Variants in MPRIP observed in about 807,000 individuals in gnomAD.
The protein encoded by MPRIP is myosin phosphatase Rho interacting protein.
In MPRIP, 59 loss-of-function variants were observed where a neutral mutation model predicts 234.9. That is an observed-to-expected ratio of 0.25 (90% CI 0.20 to 0.31). The LOEUF is 0.31. Among genes scored for constraint, MPRIP ranks in the 10% least tolerant of loss-of-function variants. The probability of loss-of-function intolerance (pLI) is 1.00; values close to 1 mark genes in which losing one functional copy is unlikely to be tolerated. For synonymous variants in MPRIP, 1,144 were observed against 1,263.9 expected (o/e 0.91, Z 2.01); for missense variants, 2,436 against 3,071.0 (o/e 0.79, Z 4.89).
intron 3 of MPRIP, among the ~76,000 whole-genome samples, chr17:17,107,153 G>T (rs941557181): frequency 6.6e-6 from 1 of 152,214 alleles, no homozygotes; most frequent in East Asian, 1.9e-4. Flanking sequence ...GGATTTAATG[G>T]GCTCTAGCCC....
At chr17:17,177,527 C>A in intron 22 of MPRIP, 115 bp downstream of exon 22, 1 of 1,120,432 alleles carries the variant, frequency 8.9e-7, no homozygotes, top group Non-Finnish European at 1.3e-6. Flanking sequence ...TGCTTGTAGA[C>A]CCAGGCATCC....
chr17:17,108,482 A>C (rs1203112093), intron 3 of MPRIP, among the ~76,000 whole-genome samples: 1 of 152,248 alleles, frequency 6.6e-6, no homozygotes, highest in African/African-American at 2.4e-5. Context: ...CCTCAGCCCT[A>C]CATCTGAGAA....
At chr17:17,072,069 C>CT (rs1223585999) in intron 1 of MPRIP, among the ~76,000 whole-genome samples, 2 of 152,198 alleles carry the variant, frequency 1.3e-5, no homozygotes, top group Non-Finnish European at 2.9e-5. Context: ...GAAGAGAATA[C>CT]TTTAGGGCCT....
intron 3 of MPRIP, among the ~76,000 whole-genome samples, chr17:17,113,012 C>G (rs2090204396): frequency 6.6e-6 from 1 of 152,226 alleles, no homozygotes; most frequent in Admixed American, 6.5e-5. Context: ...CTTGGGGTCT[C>G]ACTAGCTCCC....
In MPRIP at chr17:17,129,203, T is replaced by G. The variant is rs550651327; in HGVS notation, c.419+2350T>G. ...CTCTTTTAGACGAGGTGGGTTTGGG[T>G]AGGAGTTGGCAAGGGAGCTCTTCTG... On this transcript the variant is annotated intron_variant, in intron 4 of 23. Coordinates refer to ENST00000651222, the MANE Select transcript of MPRIP (RefSeq NM_001364716.4). 5.3e-5 allele frequency among the ~76,000 whole-genome samples: 8 copies of G among 152,204 alleles called. No homozygotes were observed. The East Asian group carries it at 1.2e-3, about 22-fold the overall frequency.
chr17:17,077,883 C>A, intron 2 of MPRIP, 128 bp from the exon 3 acceptor site: 1 of 876,680 alleles, frequency 1.1e-6, no homozygotes, highest in South Asian at 1.4e-5. Flanking sequence ...CTGCCACCTG[C>A]CCCAGAAGTG....
At chr17:17,043,464 A>G (rs1406354589) in intron 1 of MPRIP, among the ~76,000 whole-genome samples, 1 of 152,016 alleles carries the variant, frequency 6.6e-6, no homozygotes, top group Non-Finnish European at 1.5e-5. Flanking sequence ...TCTGGCGAGG[A>G]GGGTCTTGTT....
chr17:17,104,454 G>A (rs1244136854), intron 3 of MPRIP, among the ~76,000 whole-genome samples: 1 of 152,174 alleles, frequency 6.6e-6, no homozygotes, highest in Non-Finnish European at 1.5e-5. Flanking sequence ...GTGGCATGAA[G>A]GGTGGGCAAG....
chr17:17,093,738 G>C (rs901581727), intron 3 of MPRIP, among the ~76,000 whole-genome samples: 3 of 152,202 alleles, frequency 2.0e-5, no homozygotes, highest in African/African-American at 7.2e-5. Context: ...CCTGAGTCCT[G>C]TTCCCAGAGG....
chr17:17,146,952 C>G (rs1360394104), intron 10 of MPRIP, among the ~76,000 whole-genome samples: 1 of 152,252 alleles, frequency 6.6e-6, no homozygotes. Flanking sequence ...TGCCATTTCA[C>G]AGCCACCTTT....
At chr17:17,124,796 G>A (rs56811379) in intron 3 of MPRIP, among the ~76,000 whole-genome samples, 12,984 of 152,162 alleles carry the variant, frequency 0.085, 1,778 homozygotes, top group African/African-American at 0.29. Context: ...CCCTTCATTT[G>A]CCCAGAGGGT....
chr17:17,091,831 A>G (rs2089725448), intron 3 of MPRIP, among the ~76,000 whole-genome samples: 1 of 152,226 alleles, frequency 6.6e-6, no homozygotes. Context: ...TGGGGCCTCC[A>G]TTCCGAGATG....
intron 4 of MPRIP, among the ~76,000 whole-genome samples, chr17:17,130,796 A>G (rs1342546814): frequency 1.3e-5 from 2 of 152,058 alleles, no homozygotes; most frequent in African/African-American, 4.8e-5. Context: ...TAGCCCCCAC[A>G]GGACTGACAG....
chr17:17,076,021 GT>G, intron 2 of MPRIP: 1 of 480,276 alleles, frequency 2.1e-6, no homozygotes, highest in Non-Finnish European at 3.7e-6. Context: ...GGTGTTGCCT[GT>G]TTTGTGGGTC....
At chr17:17,079,565 C>T (rs987779896) in intron 3 of MPRIP, among the ~76,000 whole-genome samples, 1 of 152,214 alleles carries the variant, frequency 6.6e-6, no homozygotes, top group Admixed American at 6.5e-5. Flanking sequence ...TTTATCTTGC[C>T]TCCCTGTGGC....
At chr17:17,062,268 CAG>C (rs1373111221) in intron 1 of MPRIP, among the ~76,000 whole-genome samples, 1 of 152,160 alleles carries the variant, frequency 6.6e-6, no homozygotes, top group Non-Finnish European at 1.5e-5. Flanking sequence ...AGGGTTATAT[CAG>C]AAGTCCTGCG....
chr17:17,145,154 G>A (rs910382248), intron 9 of MPRIP, among the ~76,000 whole-genome samples: 6 of 152,202 alleles, frequency 3.9e-5, no homozygotes, highest in Admixed American at 2.0e-4. Flanking sequence ...AGGCAGCAGC[G>A]GACTGTGGTT....
At chr17:17,067,103 G>A (rs1168357690) in intron 1 of MPRIP, among the ~76,000 whole-genome samples, 1 of 152,036 alleles carries the variant, frequency 6.6e-6, no homozygotes, top group Non-Finnish European at 1.5e-5. Flanking sequence ...ACGCACAAGG[G>A]CTGTAACATT....
At position 17,131,648 on chromosome 17, in the gene MPRIP, A is replaced by G. The variant is rs1339312881; in HGVS notation, c.451A>G (p.Thr151Ala). 8 of 1,614,138 alleles carry G rather than the reference A, an allele frequency of 5.0e-6. No individual in the cohort carries two copies. Among genetic ancestry groups the G allele is most frequent in the Non-Finnish European group, 6.8e-6 (8 of 1,180,002 alleles). ...GGAGATGCTCATGGTCTATCCCCGG[A>G]CCAACAAGCAGAATCAGAAGAAGAA... is the stretch of plus-strand genomic sequence containing the variant. Reference protein sequence around the residue: ...WLEMLMVYPRTNKQNQKKKRK... With the variant: ...WLEMLMVYPRANKQNQKKKRK... The change falls in exon 5 of 24, where the codon ACC becomes GCC. Residue 151 changes from threonine to alanine, a missense_variant. Transcript: ENST00000651222.
Sources: gnomAD v4.1 joint callset for allele counts (sites outside exome capture counted in the v4.1 genomes callset) on GRCh38, gnomAD v4.1.1 for gene constraint, MANE v1.5 for transcripts, NCBI Gene and HGNC (gene_info 2026-07-23, HGNC 2026-07-21) for gene names.